Variants in RNF128 observed in about 807,000 individuals in gnomAD.
The protein encoded by RNF128 is E3 ubiquitin-protein ligase RNF128.
A neutral mutation model predicts 26.2 loss-of-function variants in RNF128; 13 were observed. That is an observed-to-expected ratio of 0.50 (90% CI 0.32 to 0.79). The LOEUF is 0.79. RNF128 is among the 30% of genes least tolerant of loss of function. RNF128 has a pLI of 0.03. For missense variants in RNF128, 315 were observed against 349.7 expected (o/e 0.90, Z 0.79); for synonymous variants, 149 against 142.5 (o/e 1.05, Z -0.32).
intron 1 of RNF128, among the ~76,000 whole-genome samples, chrX:106,702,174 A>G (rs73247953): frequency 9.0e-6 from 1 of 110,967 alleles, no homozygotes; most frequent in African/African-American, 3.3e-5. Flanking sequence ...AAGATATAGT[A>G]CCTCTGGGCA....
Position 106,726,742 on chromosome X carries a change from C to T in RNF128, c.-172C>T, listed in dbSNP as rs1929403554. The T allele has an allele frequency of 3.8e-6, 4 of 1,049,808 alleles. No individual in the cohort carries two copies. The highest frequency in any genetic ancestry group is 4.9e-6 in the Non-Finnish European group (4 of 823,553). 86.5% of individuals were successfully genotyped at this position (1,049,808 alleles called of 1,213,427 possible). A position where few individuals can be genotyped will look rare whatever the true frequency, so the allele number is the denominator to read the frequency against. On this transcript the variant is annotated 5_prime_UTR_variant, in exon 1 of 7. Transcript: ENST00000255499. ...CTGGAGCTCCGAGGAGCTGCATCTG[C>T]GGCAACCTGTGTGCTGACGCTACGT...
rs148077155 is a variant in RNF128 at position 106,761,136 on chromosome X, A to T, written c.485-11777A>T. On this transcript the variant is annotated intron_variant, in intron 1 of 6. Coordinates refer to ENST00000255499, the MANE Select transcript of RNF128 (RefSeq NM_194463.2). ...ATGAATAGACACTTTTCAAAAGAAG[A>T]CATACATGCAGCCAACAAATGAAAC... Among the ~76,000 whole-genome samples, 3 of 112,170 alleles carry T rather than the reference A, an allele frequency of 2.7e-5. No individual in the cohort carries two copies. In the East Asian group the frequency reaches 8.4e-4, roughly 31 times the overall value.
chrX:106,757,804 G>C (rs918652707), intron 1 of RNF128, among the ~76,000 whole-genome samples: 2 of 111,722 alleles, frequency 1.8e-5, no homozygotes, highest in Non-Finnish European at 3.8e-5. Context: ...TGCAATAAAA[G>C]CTATATGTGA....
At chrX:106,701,122 T>C (rs1260460140) in intron 1 of RNF128, among the ~76,000 whole-genome samples, 1 of 111,968 alleles carries the variant, frequency 8.9e-6, no homozygotes, top group African/African-American at 3.2e-5. Flanking sequence ...AATTCATCCA[T>C]TGATTCTCTT....
At chrX:106,705,611 T>C (rs747984682) in intron 1 of RNF128, among the ~76,000 whole-genome samples, 13 of 112,365 alleles carry the variant, frequency 1.2e-4, no homozygotes, top group South Asian at 3.7e-4. Context: ...ATGTTTGATA[T>C]TGTTTTAGCT....
At chrX:106,791,339 A>T in intron 6 of RNF128, 105 bp downstream of exon 6, 1 of 776,726 alleles carries the variant, frequency 1.3e-6, no homozygotes, top group South Asian at 4.1e-5. Context: ...AGCCATTATC[A>T]TGATCCAGGT....
rs1929404703 is a variant in RNF128 at position 106,726,792 on chromosome X, C to T, written c.-122C>T. On this transcript the variant is annotated 5_prime_UTR_variant, in exon 1 of 7. Transcript: ENST00000255499. ...TGCCTCCTGGCTCCGACGTAGCTCGCAGCTCCCCAGTCTCACTCCATTCCT... is the reference window on the plus strand; with the variant it reads ...TGCCTCCTGGCTCCGACGTAGCTCGTAGCTCCCCAGTCTCACTCCATTCCT... The T allele has an allele frequency of 1.9e-6, 2 of 1,070,157 alleles. No homozygotes were observed. The allele number at this position is 1,070,157 out of a possible 1,213,427, so 88.2% of individuals were successfully genotyped here. A position where few individuals can be genotyped will look rare whatever the true frequency, so the allele number is the denominator to read the frequency against.
intron 1 of RNF128, among the ~76,000 whole-genome samples, chrX:106,742,976 A>C (rs973498841): frequency 9.0e-6 from 1 of 111,066 alleles, no homozygotes; most frequent in Non-Finnish European, 1.9e-5. Context: ...TGTGTCATGA[A>C]ATGGGAAGTG....
chrX:106,767,591 T>C (rs1446041774), intron 1 of RNF128, among the ~76,000 whole-genome samples: 3 of 112,178 alleles, frequency 2.7e-5, no homozygotes, highest in African/African-American at 9.7e-5. Context: ...CTGAAGTTGC[T>C]TATCAGCCTG....
chrX:106,733,737 G>T (rs1005223662), intron 1 of RNF128, among the ~76,000 whole-genome samples: 32 of 110,968 alleles, frequency 2.9e-4, no homozygotes, highest in Non-Finnish European at 5.1e-4. Flanking sequence ...GTCTCGCTTT[G>T]TCACCCAGGC....
intron 1 of RNF128, among the ~76,000 whole-genome samples, chrX:106,744,680 C>CT (rs1209259176): frequency 9.0e-6 from 1 of 110,903 alleles, no homozygotes; most frequent in Non-Finnish European, 1.9e-5. Flanking sequence ...AGGATGGTCT[C>CT]TATCTCCTGA....
chrX:106,706,796 T>TA (rs1424373087), intron 1 of RNF128, among the ~76,000 whole-genome samples: 2 of 112,387 alleles, frequency 1.8e-5, no homozygotes, highest in African/African-American at 6.5e-5. Flanking sequence ...TTAAATTACA[T>TA]AATGCATATA....
At chrX:106,764,220 C>T (rs1461695896) in intron 1 of RNF128, among the ~76,000 whole-genome samples, 1 of 109,373 alleles carries the variant, frequency 9.1e-6, no homozygotes, top group Non-Finnish European at 1.9e-5. Context: ...CCACCTCAGC[C>T]TCCCAAAGTG....
At chrX:106,777,098 C>T (rs1417935419) in intron 2 of RNF128, among the ~76,000 whole-genome samples, 1 of 111,369 alleles carries the variant, frequency 9.0e-6, no homozygotes, top group East Asian at 2.8e-4. Context: ...CATAACCATG[C>T]TCTGATATGG....
intron 1 of RNF128, among the ~76,000 whole-genome samples, chrX:106,714,084 G>A (rs1043191771): frequency 8.3e-5 from 9 of 108,072 alleles, no homozygotes; most frequent in South Asian, 4.2e-4. Flanking sequence ...AGGCTGAGGC[G>A]GGAGAATGGC....
At position 106,795,593 on chromosome X, in the gene RNF128, G is replaced by T; in HGVS notation, c.1167G>T (p.Gln389His). Residue 389 changes from glutamine (Q) to histidine (H), a missense_variant, in exon 7 of 7, where the codon CAG becomes CAT. Gln to His is a conservative substitution (Grantham distance 24). Coordinates refer to ENST00000255499, the MANE Select transcript of RNF128 (RefSeq NM_194463.2). Reference sequence around the variant, plus strand: ...TTCTTTTTAAAGATGAAAGTCTACAGCTGGTAAACCATGAAGCAAATTCTG... The same window carrying T: ...TTCTTTTTAAAGATGAAAGTCTACATCTGGTAAACCATGAAGCAAATTCTG... ...EHVQSTNESL[Q>H]LVNHEANSVA... 1 of 1,197,769 alleles carries T rather than the reference G, an allele frequency of 8.3e-7. No individual in the cohort carries two copies. Among genetic ancestry groups the T allele is most frequent in the African/African-American group, 1.7e-5 (1 of 57,281 alleles).
intron 1 of RNF128, among the ~76,000 whole-genome samples, chrX:106,746,301 A>G (rs1298835021): frequency 9.0e-6 from 1 of 111,119 alleles, no homozygotes; most frequent in Non-Finnish European, 1.9e-5. Context: ...TTGTATTTCA[A>G]TGCCAAGGTG....
chrX:106,722,650 T>C (rs940040043), upstream of RNF128, among the ~76,000 whole-genome samples: 2 of 111,947 alleles, frequency 1.8e-5, no homozygotes, highest in Non-Finnish European at 1.9e-5. Flanking sequence ...ATTGGTAGTA[T>C]AACCAGAGAC....
At chrX:106,726,506 T>C (rs1217527616), upstream of RNF128, among the ~76,000 whole-genome samples, 2 of 112,150 alleles carry the variant, frequency 1.8e-5, no homozygotes, top group Non-Finnish European at 3.8e-5. Context: ...TTATCGTTCC[T>C]CGCCTGTCCG....
Sources: allele counts gnomAD v4.1 joint callset (sites outside exome capture counted in the v4.1 genomes callset), GRCh38; gene constraint gnomAD v4.1.1; transcripts MANE v1.5; gene names NCBI Gene and HGNC (gene_info 2026-07-23, HGNC 2026-07-21).